PTK2B: variants seen among roughly 807,000 people sequenced by gnomAD.
PTK2B encodes protein-tyrosine kinase 2-beta.
PTK2B carries 71 observed loss-of-function variants against 142.9 expected under a neutral mutation model. The ratio of observed to expected loss-of-function variants is 0.50; its 90% confidence interval spans 0.41 to 0.61. The LOEUF is 0.61. Among genes scored for constraint, PTK2B ranks in the 20% least tolerant of loss-of-function variants. The pLI is 0.00. For synonymous variants in PTK2B, 519 were observed against 503.4 expected, an observed-to-expected ratio of 1.03 and a Z score of -0.42; for missense variants, 1,105 against 1,320.4, an observed-to-expected ratio of 0.84 and a Z score of 2.53.
intron 5 of PTK2B, among the ~76,000 whole-genome samples, chr8:27,428,369 A>G (rs1810210866): frequency 6.6e-6 from 1 of 152,194 alleles, no homozygotes; most frequent in African/African-American, 2.4e-5. Context: ...ACACCTGAAT[A>G]TCATTCCTAT....
At chr8:27,337,012 C>T (rs551872097) in intron 1 of PTK2B, among the ~76,000 whole-genome samples, 33 of 135,432 alleles carry the variant, frequency 2.4e-4, no homozygotes, top group Non-Finnish European at 3.9e-4. Flanking sequence ...TTTTAATAAC[C>T]GCTAATTAAT....
intron 1 of PTK2B, among the ~76,000 whole-genome samples, chr8:27,368,266 C>T (rs1806135830): frequency 1.3e-5 from 2 of 152,206 alleles, no homozygotes; most frequent in South Asian, 4.1e-4. Context: ...GACAAGGACT[C>T]CCTCCTTGAC....
upstream of PTK2B, among the ~76,000 whole-genome samples, chr8:27,324,228 A>C (rs769207020): frequency 6.6e-6 from 1 of 152,140 alleles, no homozygotes; most frequent in Non-Finnish European, 1.5e-5. Context: ...CTCCCACCTG[A>C]CCACCTTCTG....
At chr8:27,431,939 C>A (rs1050590180) in intron 9 of PTK2B, among the ~76,000 whole-genome samples, 1 of 152,140 alleles carries the variant, frequency 6.6e-6, no homozygotes, top group Non-Finnish European at 1.5e-5. Flanking sequence ...GCTTTGAATG[C>A]AGCCCACCAC....
At chr8:27,391,770 T>A (rs1310090159) in intron 1 of PTK2B, among the ~76,000 whole-genome samples, 1 of 152,242 alleles carries the variant, frequency 6.6e-6, no homozygotes, top group Non-Finnish European at 1.5e-5. Flanking sequence ...TGTAGTACCC[T>A]TTGCAGATTT....
chr8:27,345,132 C>T (rs1164478342), intron 1 of PTK2B, among the ~76,000 whole-genome samples: 1 of 152,202 alleles, frequency 6.6e-6, no homozygotes, highest in Non-Finnish European at 1.5e-5. Flanking sequence ...CACTGCACTC[C>T]AGCCTGGGAG....
intron 2 of PTK2B, among the ~76,000 whole-genome samples, chr8:27,418,936 G>GGAA (rs1437482165): frequency 6.6e-6 from 1 of 152,172 alleles, no homozygotes; most frequent in Non-Finnish European, 1.5e-5. Context: ...GATGAGGCAG[G>GGAA]AGAATGGCTT....
rs981205835 is a variant in PTK2B at position 27,458,505 on chromosome 8, A to G, written c.3026A>G (p.Glu1009Gly). The change falls in exon 31 of 31, where the codon GAG (glutamate) becomes GGG (glycine). Residue 1009 changes from glutamate (E) to glycine (G), a missense_variant. By Grantham distance (98) the Glu-to-Gly change is moderately conservative. Coordinates refer to ENST00000346049, the MANE Select transcript of PTK2B (RefSeq NM_173176.3). ...GCCAATCTGGCCCACCCACCTGCAG[A>G]GTGACGGAGGGTGGGGGCCACCTGC... ...VLANLAHPPA[E>G] 1.3e-6 allele frequency: 2 copies of G among 1,566,870 alleles called. No homozygotes were observed. The highest frequency in any genetic ancestry group is 1.7e-6 in the Non-Finnish European group (2 of 1,156,746).
intron 2 of PTK2B, among the ~76,000 whole-genome samples, chr8:27,407,484 A>G (rs1808793609): frequency 6.6e-6 from 1 of 152,164 alleles, no homozygotes; most frequent in Non-Finnish European, 1.5e-5. Flanking sequence ...CCTTGACTGC[A>G]CTTCACCCAC....
Position 27,459,100 on chromosome 8 carries a change from T to C in PTK2B, c.*591T>C, listed in dbSNP as rs562577080. 42 of 241,058 alleles carry C rather than the reference T, an allele frequency of 1.7e-4. No homozygotes were observed. The South Asian group carries it at 2.7e-3, about 16-fold the overall frequency. The allele number at this position is 241,058 out of a possible 1,614,324, so 14.9% of individuals were successfully genotyped here. ...GGGGCACAGTCCAGGAACAAGCTAA[T>C]TGGGAGTCCAGGCACAGGATGCTGT... is the stretch of plus-strand genomic sequence containing the variant. On this transcript the variant is annotated 3_prime_UTR_variant, in exon 31 of 31. Coordinates refer to ENST00000346049, the MANE Select transcript of PTK2B (RefSeq NM_173176.3).
At chr8:27,359,956 C>A (rs957963326) in intron 1 of PTK2B, among the ~76,000 whole-genome samples, 1 of 152,202 alleles carries the variant, frequency 6.6e-6, no homozygotes. Flanking sequence ...TCCTCTGATA[C>A]CCAGGTGGCC....
chr8:27,356,071 C>T (rs1805375432), intron 1 of PTK2B, among the ~76,000 whole-genome samples: 1 of 151,836 alleles, frequency 6.6e-6, no homozygotes, highest in Non-Finnish European at 1.5e-5. Flanking sequence ...AATAGTAACA[C>T]CTTGGAGCCG....
At chr8:27,317,991 T>G (rs1803129438) in intron 3 of PTK2B, among the ~76,000 whole-genome samples, 1 of 152,210 alleles carries the variant, frequency 6.6e-6, no homozygotes, top group South Asian at 2.1e-4. Flanking sequence ...CAGAAATATA[T>G]TTTGTGGTTT....
rs781348600 is a variant in PTK2B at position 27,451,535 on chromosome 8, G to T, written c.2548+26G>T. The T allele has an allele frequency of 3.7e-6, 6 of 1,613,928 alleles. No homozygotes were observed. In the East Asian group the frequency reaches 1.1e-4, roughly 30 times the overall value. On this transcript the variant is annotated intron_variant, in intron 27 of 30. Transcript: ENST00000346049. ...GTGAGTGTTCCCGCCCTTCTTCGGG[G>T]GGTTTCCTCTTGGCACCTTGTGCAG...
intron 27 of PTK2B, chr8:27,451,795 T>G (rs1811836959): frequency 7.7e-7 from 1 of 1,296,110 alleles, no homozygotes; most frequent in Non-Finnish European, 9.8e-7. Flanking sequence ...GAGCTGGAAA[T>G]TCTCTCTTCC....
At chr8:27,386,061 A>G (rs1563241080) in intron 1 of PTK2B, among the ~76,000 whole-genome samples, 1 of 152,218 alleles carries the variant, frequency 6.6e-6, no homozygotes, top group Non-Finnish European at 1.5e-5. Flanking sequence ...AACTGCATGC[A>G]GTTCTAAATG....
At chr8:27,435,835 T>C (rs1810742624) in intron 14 of PTK2B, 42 bp downstream of exon 14, 1 of 1,593,932 alleles carries the variant, frequency 6.3e-7, no homozygotes, top group Non-Finnish European at 8.6e-7. Flanking sequence ...GTCAAGGCCC[T>C]GTGAAATGAC....
chr8:27,349,166 T>C (rs1804892834), intron 1 of PTK2B, among the ~76,000 whole-genome samples: 1 of 152,236 alleles, frequency 6.6e-6, no homozygotes, highest in Non-Finnish European at 1.5e-5. Flanking sequence ...CAAGGTGTCA[T>C]GTTGCACTGA....
chr8:27,359,539 TG>T (rs1805581906), intron 1 of PTK2B, among the ~76,000 whole-genome samples: 2 of 152,206 alleles, frequency 1.3e-5, no homozygotes, highest in Admixed American at 1.3e-4. Context: ...GGATCGTCAC[TG>T]TGAATTGGGG....
Sources: allele counts gnomAD v4.1 joint callset (sites outside exome capture counted in the v4.1 genomes callset), GRCh38; gene constraint gnomAD v4.1.1; transcripts MANE v1.5; gene names NCBI Gene and HGNC (gene_info 2026-07-23, HGNC 2026-07-21).